Variants in AFF1 observed in about 807,000 individuals in gnomAD.
AFF1 encodes ALF transcription elongation factor 1.
Under a neutral mutation model 121.7 loss-of-function variants are expected in AFF1, and 48 were observed. That is an observed-to-expected ratio of 0.39 (90% CI 0.31 to 0.50). The LOEUF (loss-of-function observed/expected upper bound fraction) is 0.50. Among genes scored for constraint, AFF1 ranks in the 20% least tolerant of loss-of-function variants. AFF1 has a pLI of 0.76. For synonymous variants in AFF1, 613 were observed against 563.0 expected (o/e 1.09, Z -1.26); for missense variants, 1,523 against 1,511.7 (o/e 1.01, Z -0.12).
intron 8 of AFF1, among the ~76,000 whole-genome samples, chr4:87,099,348 C>T (rs1380015491): frequency 6.6e-6 from 1 of 152,156 alleles, no homozygotes; most frequent in Non-Finnish European, 1.5e-5. Context: ...TGTAGATCTG[C>T]ATTAAGCCTT....
rs3035506 is a variant in AFF1, at chr4:87,002,425, G to GTTT, written c.39-43719_39-43717dup. On this transcript the variant is annotated intron_variant, in intron 2 of 20. Transcript: ENST00000395146. ...CTTAAGTTGTTAAAAGGGCAATGAA[G>GTTT]TTTTTTTTTTTTTTTTTTTTTTTTG... Among the ~76,000 whole-genome samples the GTTT allele has an allele frequency of 2.6e-3, 177 of 68,172 alleles. 2 individuals are homozygous for GTTT. Among genetic ancestry groups the GTTT allele is most frequent in the East Asian group, 5.5e-3 (12 of 2,168 alleles). The allele number at this position is 68,172 out of a possible 152,430, so 44.7% of individuals were successfully genotyped here.
intron 4 of AFF1, among the ~76,000 whole-genome samples, chr4:87,051,921 T>C (rs551084488): frequency 9.9e-5 from 15 of 152,220 alleles, no homozygotes; most frequent in Admixed American, 9.8e-4. Context: ...ATCATAGGCG[T>C]TGATAAGAGT....
chr4:87,125,090 C>G lies in AFF1; in HGVS notation c.2520C>G (p.Ile840Met), dbSNP rs114929483. Residue 840 changes from isoleucine to methionine, a missense_variant, in exon 13 of 21, where the codon ATC (isoleucine) becomes ATG (methionine). This residue lies in a region of AFF1 where 905 missense variants were observed against 842.5 expected (regional missense o/e 1.07). Coordinates refer to ENST00000395146, the MANE Select transcript of AFF1 (RefSeq NM_001166693.3). Reference sequence around the variant, plus strand: ...AGAAAATCAGACTGGAGAAGGAAATCAAATCACAGTCATCTTCATCTTCAT... The same window carrying G: ...AGAAAATCAGACTGGAGAAGGAAATGAAATCACAGTCATCTTCATCTTCAT... ...DNKKIRLEKE[I>M]KSQSSSSSSS... The G allele has an allele frequency of 8.1e-4, 1,312 of 1,610,208 alleles. 14 individuals are homozygous for G. The African/African-American group carries it at 0.016, about 20-fold the overall frequency.
In AFF1 at chr4:87,046,908, A is replaced by G; in HGVS notation, c.373A>G (p.Thr125Ala). 6.2e-7 allele frequency: 1 copy of G among 1,613,784 alleles called. No individual in the cohort carries two copies. Among genetic ancestry groups the G allele is most frequent in the Non-Finnish European group, 8.5e-7 (1 of 1,179,928 alleles). The change falls in exon 4 of 21, where the codon ACT (threonine) becomes GCT (alanine). Residue 125 changes from threonine (T) to alanine (A), a missense_variant. Coordinates refer to ENST00000395146, the MANE Select transcript of AFF1 (RefSeq NM_001166693.3). ...HTSVHHQSIH[T>A]PASGPLSVGN... is the part of the protein sequence containing the mutation. ...TAGTGTCCACCACCAGTCCATTCACACTCCTGCGTCTGGACCACTTTCTGT... is the reference window on the plus strand; with the variant it reads ...TAGTGTCCACCACCAGTCCATTCACGCTCCTGCGTCTGGACCACTTTCTGT...
intron 4 of AFF1, among the ~76,000 whole-genome samples, chr4:87,072,139 G>T (rs952662141): frequency 6.6e-6 from 1 of 152,248 alleles, no homozygotes; most frequent in East Asian, 1.9e-4. Context: ...CGAGGTGGGC[G>T]GATCACGAAG....
chr4:86,977,369 A>G (rs1227390107), intron 2 of AFF1, among the ~76,000 whole-genome samples: 1 of 152,198 alleles, frequency 6.6e-6, no homozygotes, highest in Non-Finnish European at 1.5e-5. Context: ...GTGCAATTTA[A>G]AACTTATGAA....
intron 4 of AFF1, among the ~76,000 whole-genome samples, chr4:87,055,229 G>T (rs893682500): frequency 6.6e-6 from 1 of 152,188 alleles, no homozygotes; most frequent in Non-Finnish European, 1.5e-5. Flanking sequence ...TTTAAACTCT[G>T]AAGGAAACTT....
chr4:87,136,338 G>A lies in AFF1; in HGVS notation c.*637G>A, dbSNP rs369126664. 145 of 231,984 alleles carry A rather than the reference G, an allele frequency of 6.3e-4. No homozygotes were observed. Among genetic ancestry groups the A allele is most frequent in the African/African-American group, 2.9e-3 (131 of 45,284 alleles). 14.4% of individuals were successfully genotyped at this position (231,984 alleles called of 1,614,324 possible). On this transcript the variant is annotated 3_prime_UTR_variant, in exon 21 of 21. Transcript: ENST00000395146. ...ATTGAAGGCAACCCCCGCTCCTGCCGCCCCCAATCTCCCCATTGCCTAGAG... is the reference window on the plus strand; with the variant it reads ...ATTGAAGGCAACCCCCGCTCCTGCCACCCCCAATCTCCCCATTGCCTAGAG...
In AFF1 at chr4:87,114,834, G is replaced by A; in HGVS notation, c.2001G>A (p.Lys667=). The A allele has an allele frequency of 2.5e-6, 4 of 1,613,872 alleles. No homozygotes were observed. Among genetic ancestry groups the A allele is most frequent in the Admixed American group, 1.7e-5 (1 of 59,986 alleles). The change falls in exon 12 of 21, where the codon AAG becomes AAA. Residue 667 remains lysine, a synonymous_variant. Transcript: ENST00000395146. ...RPRAAASNEP[K]PAVPPSSEKK... ...GGGCCGCAGCAAGCAACGAACCCAA[G>A]CCAGCAGTGCCCCCCTCCAGTGAGA...
chr4:87,013,032 C>CTTTTTTTTTGTTTTT (rs1391718271), intron 2 of AFF1, among the ~76,000 whole-genome samples: 2 of 93,514 alleles, frequency 2.1e-5, no homozygotes, highest in African/African-American at 8.6e-5. Context: ...CTATCAAGTT[C>CTTTTTTTTTGTTTTT]TTTTTTTTTT....
intron 19 of AFF1, among the ~76,000 whole-genome samples, chr4:87,134,246 G>A (rs1488537888): frequency 6.6e-6 from 1 of 152,200 alleles, no homozygotes; most frequent in Non-Finnish European, 1.5e-5. Context: ...TCCAGGCAGA[G>A]GAAGTAGACT....
At chr4:87,007,506 G>A (rs1726283581) in intron 2 of AFF1, 1 of 1,571,358 alleles carries the variant, frequency 6.4e-7, no homozygotes, top group East Asian at 2.2e-5. Context: ...AGGGTGCGGG[G>A]AAGGAGACGG....
At chr4:87,130,971 C>T (rs1728772720) in intron 16 of AFF1, 112 bp from the exon 17 acceptor site, 2 of 1,381,358 alleles carry the variant, frequency 1.4e-6, no homozygotes, top group African/African-American at 1.4e-5. Context: ...ACACTTCTCC[C>T]TGGCCATAAT....
intron 16 of AFF1, among the ~76,000 whole-genome samples, chr4:87,130,756 G>A (rs342468): frequency 0.59 from 90,293 of 152,082 alleles, 26,988 homozygotes; most frequent in Middle Eastern, 0.69. Flanking sequence ...GTTTCTCAAG[G>A]AAGTTATAGA....
At chr4:87,040,676 TCTC>T (rs963734085) in intron 2 of AFF1, among the ~76,000 whole-genome samples, 1 of 151,718 alleles carries the variant, frequency 6.6e-6, no homozygotes, top group Non-Finnish European at 1.5e-5. Flanking sequence ...TTCAAACAGT[TCTC>T]CTGCCTCAGC....
At position 87,091,838 on chromosome 4, in the gene AFF1, AT is replaced by A. The variant is rs1388296359; in HGVS notation, c.1228+12del. 6.4e-7 allele frequency: 1 copy of A among 1,556,950 alleles called. No individual in the cohort carries two copies. Among genetic ancestry groups the A allele is most frequent in the East Asian group, 2.3e-5 (1 of 43,462 alleles). ...TGTAACCCAAAACCAAAGTAAGTAAATTTGAAACTGCTTATTGGATTGGAGA... is the reference window on the plus strand; with the variant it reads ...TGTAACCCAAAACCAAAGTAAGTAAATTGAAACTGCTTATTGGATTGGAGA... On this transcript the variant is annotated intron_variant, in intron 7 of 20. Transcript: ENST00000395146.
At position 87,119,009 on chromosome 4, in the gene AFF1, G is replaced by C. The variant is rs976588060; in HGVS notation, c.2466+3710G>C. ...GACTAGTCTGATTGGTTGTAGGGGG[G>C]ACCAATCAGAGTTACTTTCATTTTC... On this transcript the variant is annotated intron_variant, in intron 12 of 20. Transcript: ENST00000395146. Among the ~76,000 whole-genome samples the C allele has an allele frequency of 1.8e-4, 25 of 136,740 alleles. 1 individual carries two copies. The Admixed American group carries it at 1.9e-3, about 11-fold the overall frequency. The allele number at this position is 136,740 out of a possible 152,430, so 89.7% of individuals were successfully genotyped here.
rs1320770545 is a variant in AFF1 at position 87,125,976 on chromosome 4, TAC to T, written c.2574-119_2574-118del. 1.7e-5 allele frequency: 17 copies of T among 1,001,418 alleles called. 1 individual carries two copies. Among genetic ancestry groups the T allele is most frequent in the Middle Eastern group, 4.5e-4 (2 of 4,442 alleles). 62.0% of individuals were successfully genotyped at this position (1,001,418 alleles called of 1,614,324 possible). A position where few individuals can be genotyped will look rare whatever the true frequency, so the allele number is the denominator to read the frequency against. ...AAAAGTCCCTGAAATTTGGCCTGTT[TAC>T]ACAGTTTCATGCTTTGTGATACCCT... On this transcript the variant is annotated intron_variant, in intron 13 of 20. Transcript: ENST00000395146.
chr4:86,955,649 A>G (rs1721682406), intron 2 of AFF1, among the ~76,000 whole-genome samples: 1 of 152,104 alleles, frequency 6.6e-6, no homozygotes. Flanking sequence ...GGACAGGGGG[A>G]AAACATGTTA....
Sources: gnomAD v4.1 joint callset for allele counts (sites outside exome capture counted in the v4.1 genomes callset) on GRCh38, gnomAD v4.1.1 for gene constraint, gnomAD v4.1.1 regional missense constraint, MANE v1.5 for transcripts, NCBI Gene and HGNC (gene_info 2026-07-23, HGNC 2026-07-21) for gene names.